Variants in TRAIP observed in about 807,000 individuals in gnomAD.
TRAIP encodes the protein E3 ubiquitin-protein ligase TRAIP.
In TRAIP, 37 loss-of-function variants were observed where a neutral mutation model predicts 65.0. The ratio of observed to expected loss-of-function variants is 0.57; its 90% CI spans 0.44 to 0.75. The LOEUF (loss-of-function observed/expected upper bound fraction) is 0.75, where lower values mean the gene tolerates loss of function less well. Ranked by LOEUF, TRAIP falls within the 30% of genes least tolerant of loss-of-function variation. TRAIP has a pLI of 0.00. For synonymous variants in TRAIP, 187 were observed against 219.1 expected (o/e 0.85, Z 1.29); for missense variants, 481 against 579.4 (o/e 0.83, Z 1.74).
rs869237477 is a variant in TRAIP at position 49,850,650 on chromosome 3, A to ATTTT, written c.99-2454_99-2451dup. On this transcript the variant is annotated intron_variant, in intron 1 of 14. Transcript: ENST00000331456. ...GTTTCTAGAGCTGATAATAGTCTGC[A>ATTTT]TTTTTTTTTTTTTTTTTTTTTTGAG... Among the ~76,000 whole-genome samples, 607 of 90,670 alleles carry ATTTT rather than the reference A, an allele frequency of 6.7e-3. 37 individuals carry two copies. Among genetic ancestry groups the ATTTT allele is most frequent in the African/African-American group, 8.2e-3 (162 of 19,860 alleles). The allele number at this position is 90,670 out of a possible 152,430, so 59.5% of individuals were successfully genotyped here. A position where few individuals can be genotyped will look rare whatever the true frequency, so the allele number is the denominator to read the frequency against.
At chr3:49,843,699 T>C in intron 5 of TRAIP, 102 bp downstream of exon 5, 1 of 1,495,504 alleles carries the variant, frequency 6.7e-7, no homozygotes, top group South Asian at 1.2e-5. Context: ...CAAACCAAGG[T>C]GATGACTGGA....
rs970794019 is a variant in TRAIP, at chr3:49,848,058, T to C, written c.156+85A>G. On this transcript the variant is annotated intron_variant, in intron 2 of 14. Coordinates refer to ENST00000331456, the MANE Select transcript of TRAIP (RefSeq NM_005879.3). ...GAGGGTCCAAAAAAGGTCAGAGATA[T>C]TGCAGTTTCAGAGCTCTTTTCACAT... 6.7e-6 allele frequency: 10 copies of C among 1,492,828 alleles called. No individual in the cohort carries two copies. In the South Asian group the frequency reaches 1.0e-4, roughly 16 times the overall value. 92.5% of individuals were successfully genotyped at this position (1,492,828 alleles called of 1,614,324 possible).
intron 14 of TRAIP, 40 bp from the exon 15 acceptor site, chr3:49,829,265 G>A: frequency 6.2e-7 from 1 of 1,614,008 alleles, no homozygotes; most frequent in Non-Finnish European, 8.5e-7. Flanking sequence ...AGAAAGGACT[G>A]CAATGCAGGG....
intron 11 of TRAIP, among the ~76,000 whole-genome samples, chr3:49,831,319 C>A (rs917059831): frequency 6.6e-6 from 1 of 152,216 alleles, no homozygotes; most frequent in African/African-American, 2.4e-5. Flanking sequence ...CTGAACAGTA[C>A]CTGTATGAAT....
intron 10 of TRAIP, among the ~76,000 whole-genome samples, chr3:49,833,019 GA>G (rs1282606852): frequency 6.6e-6 from 1 of 152,106 alleles, no homozygotes; most frequent in Non-Finnish European, 1.5e-5. Flanking sequence ...CAGGACCCTA[GA>G]AGCTCTACCT....
chr3:49,851,989 G>A (rs903578927), intron 1 of TRAIP, among the ~76,000 whole-genome samples: 2 of 150,172 alleles, frequency 1.3e-5, no homozygotes, highest in South Asian at 2.1e-4. Context: ...GAGCCACCGC[G>A]CCCAGCCAAA....
chr3:49,841,180 C>A, intron 7 of TRAIP, 108 bp from the exon 8 acceptor site: 5 of 926,314 alleles, frequency 5.4e-6, no homozygotes, highest in Non-Finnish European at 8.7e-6. Context: ...AACTCACTCT[C>A]ATTCCTACTT....
intron 10 of TRAIP, among the ~76,000 whole-genome samples, chr3:49,836,423 G>C (rs1320443048): frequency 6.6e-6 from 1 of 152,042 alleles, no homozygotes; most frequent in Non-Finnish European, 1.5e-5. Flanking sequence ...ACCGGGAAGC[G>C]GAGGTTGCAG....
intron 5 of TRAIP, 179 bp downstream of exon 5, chr3:49,843,622 T>C (rs2081856765): frequency 7.8e-6 from 6 of 770,164 alleles, no homozygotes; most frequent in Middle Eastern, 5.7e-4. Context: ...CCTTTTCTTA[T>C]GGGATGGATG....
In TRAIP at chr3:49,830,908, ACTTCACTACCTC is replaced by A. The variant is rs199684414; in HGVS notation, c.1038-852_1038-841del. Among the ~76,000 whole-genome samples, 456 of 152,326 alleles carry A rather than the reference ACTTCACTACCTC, an allele frequency of 3.0e-3. 5 individuals carry two copies. The highest frequency in any genetic ancestry group is 0.014 in the East Asian group (74 of 5,184). On this transcript the variant is annotated intron_variant, in intron 11 of 14. Transcript: ENST00000331456. ...GGACGAGCTGAGTTAGGGACTCAGA[ACTTCACTACCTC>A]CTTCACTACCTCCACAGGCCATGAA...
intron 1 of TRAIP, 118 bp from the exon 2 acceptor site, chr3:49,848,318 C>A (rs899311689): frequency 9.3e-7 from 1 of 1,075,294 alleles, no homozygotes; most frequent in Non-Finnish European, 1.4e-6. Flanking sequence ...CAATGCCTGC[C>A]CAAATAAGAG....
rs2108321237 is a variant in TRAIP at position 49,850,518 on chromosome 3, A to G, written c.99-2318T>C. Among the ~76,000 whole-genome samples, 2 of 149,716 alleles carry G rather than the reference A, an allele frequency of 1.3e-5. 1 individual carries two copies. On this transcript the variant is annotated intron_variant, in intron 1 of 14. Transcript: ENST00000331456. Reference sequence around the variant, plus strand: ...TGTCTCAAAAAAAAAAAAAGTAGGCAAAATTCATCTATGCTCTCAAAGTCA... The same window carrying G: ...TGTCTCAAAAAAAAAAAAAGTAGGCGAAATTCATCTATGCTCTCAAAGTCA...
At chr3:49,842,290 C>T (rs1393367739) in intron 6 of TRAIP, among the ~76,000 whole-genome samples, 163 bp downstream of exon 6, 1 of 152,078 alleles carries the variant, frequency 6.6e-6, no homozygotes, top group Non-Finnish European at 1.5e-5. Flanking sequence ...TTCATAGAGG[C>T]TAAGATCTGT....
At position 49,842,446 on chromosome 3, in the gene TRAIP, A is replaced by C; in HGVS notation, c.503+7T>G. ...AGGCACAGTGCAGGACCCAGCTCCA[A>C]ACTCACTGCTCCATGGTCTTCATCT... On this transcript the variant is annotated splice_region_variant and intron_variant, in intron 6 of 14. Transcript: ENST00000331456. The C allele has an allele frequency of 6.2e-7, 1 of 1,613,738 alleles. No individual in the cohort carries two copies. Among genetic ancestry groups the C allele is most frequent in the Non-Finnish European group, 8.5e-7 (1 of 1,179,890 alleles).
intron 1 of TRAIP, among the ~76,000 whole-genome samples, chr3:49,852,979 G>A (rs189038619): frequency 1.1e-3 from 168 of 150,972 alleles, no homozygotes; most frequent in Admixed American, 3.6e-3. Flanking sequence ...AAATTTAGCC[G>A]GGCATGATGA....
intron 7 of TRAIP, 35 bp downstream of exon 7, chr3:49,841,791 C>T (rs1354120433): frequency 7.0e-6 from 11 of 1,580,036 alleles, no homozygotes; most frequent in Non-Finnish European, 8.7e-6. Flanking sequence ...CATGGCCTAT[C>T]TCCTGTGTTT....
In TRAIP at chr3:49,841,852, CA is replaced by C; in HGVS notation, c.590del (p.Leu197ArgfsTer15). On this transcript the variant is annotated frameshift_variant, in exon 7 of 15. Coordinates refer to ENST00000331456, the MANE Select transcript of TRAIP (RefSeq NM_005879.3). LOFTEE classifies it high-confidence loss of function. ...MGVGQSAVEQ[L>X]AVYCVSLKKE... ...TCTTGAGAGACACACAGTACACAGC[CA>C]GCTGTTCCACCGCTGACTGTCCCAC... 6.2e-7 allele frequency: 1 copy of C among 1,614,208 alleles called. No individual in the cohort carries two copies. Among genetic ancestry groups the C allele is most frequent in the East Asian group, 2.2e-5 (1 of 44,890 alleles).
rs928478419 is a variant in TRAIP, at chr3:49,848,172, T to C, written c.127A>G (p.Ser43Gly). The change falls in exon 2 of 15, where the codon AGT becomes GGT. Residue 43 changes from serine (S) to glycine (G), a missense_variant. Ser to Gly is a moderately conservative substitution (Grantham distance 56). Transcript: ENST00000331456. ...ATTCGGCACTGTGGGCAGGTCCGAC[T>C]TGGTGCTGTCTCAAACCACTGAATT... ...CLIQWFETAP[S>G]RTCPQCRIQV... 10 of 1,614,114 alleles carry C rather than the reference T, an allele frequency of 6.2e-6. No homozygotes were observed. Among genetic ancestry groups the C allele is most frequent in the Admixed American group, 1.7e-5 (1 of 60,010 alleles).
intron 11 of TRAIP, among the ~76,000 whole-genome samples, chr3:49,831,556 A>G (rs943736156): frequency 6.6e-6 from 1 of 152,216 alleles, no homozygotes; most frequent in Non-Finnish European, 1.5e-5. Flanking sequence ...AGAGGCAAAC[A>G]TAGAAGAGGA....
Sources: gnomAD v4.1 joint callset for allele counts (sites outside exome capture counted in the v4.1 genomes callset) on GRCh38, gnomAD v4.1.1 for gene constraint, MANE v1.5 for transcripts, NCBI Gene and HGNC (gene_info 2026-07-23, HGNC 2026-07-21) for gene names.